Variants in PANK2 observed in about 807,000 individuals in gnomAD.
PANK2 encodes the protein pantothenate kinase 2, also known as pantothenate kinase 2, mitochondrial.
PANK2 carries 36 observed loss-of-function variants against 43.1 expected under a neutral mutation model. That is an observed-to-expected ratio of 0.84 (90% CI 0.64 to 1.10). PANK2 has a LOEUF of 1.10. Ranked by LOEUF, PANK2 falls within the 50% of genes least tolerant of loss-of-function variation. The pLI, the probability that PANK2 is intolerant of heterozygous loss-of-function variation, is 0.00. For synonymous variants in PANK2, 281 were observed against 238.2 expected, an observed-to-expected ratio of 1.18 and a Z score of -1.66; for missense variants, 576 against 593.3, an observed-to-expected ratio of 0.97 and a Z score of 0.30.
chr20:3,890,679 G>A (rs2090108825), intron 1 of PANK2, among the ~76,000 whole-genome samples: 1 of 152,198 alleles, frequency 6.6e-6, no homozygotes, highest in Admixed American at 6.5e-5. Context: ...GAGAGGGAGG[G>A]AAAATGGCAA....
In PANK2 at chr20:3,926,579, AGCT is replaced by A; in HGVS notation, c.*3286_*3288del. The A allele has an allele frequency of 6.6e-6, 1 of 152,520 alleles. No homozygotes were observed. The highest frequency in any genetic ancestry group is 1.9e-4 in the East Asian group (1 of 5,174). The allele number at this position is 152,520 out of a possible 1,614,324, so 9.4% of individuals were successfully genotyped here. A position where few individuals can be genotyped will look rare whatever the true frequency, so the allele number is the denominator to read the frequency against. ...CTAGTTATTTCCAGGCCTGGGATAT[AGCT>A]AGGGGCTTGGGGTGGGGGCAACTCT... On this transcript the variant is annotated 3_prime_UTR_variant, in exon 7 of 7. Transcript: ENST00000610179.
chr20:3,899,862 C>A (rs1198386821), intron 1 of PANK2, among the ~76,000 whole-genome samples: 1 of 151,706 alleles, frequency 6.6e-6, no homozygotes, highest in Non-Finnish European at 1.5e-5. Context: ...CACCTGCCAC[C>A]ATGCCCGGCT....
rs900029995 is a variant in PANK2 at position 3,927,858 on chromosome 20, C to G, written c.*4564C>G. ...ACAAGTCTGCTGACACTGGTGGGGC[C>G]CTTACAGTCACAGAAGTAAGGACTG... On this transcript the variant is annotated 3_prime_UTR_variant, in exon 7 of 7. Coordinates refer to ENST00000610179, the MANE Select transcript of PANK2 (RefSeq NM_001386393.1). The G allele has an allele frequency of 1.3e-5, 2 of 152,146 alleles. No homozygotes were observed. Among genetic ancestry groups the G allele is most frequent in the Non-Finnish European group, 1.5e-5 (1 of 68,062 alleles). 9.4% of individuals were successfully genotyped at this position (152,146 alleles called of 1,614,324 possible).
chr20:3,919,944 C>G (rs550676472), intron 6 of PANK2, among the ~76,000 whole-genome samples: 5 of 152,270 alleles, frequency 3.3e-5, no homozygotes, highest in African/African-American at 1.2e-4. Context: ...CCAAAGTACA[C>G]AAATCCCCAT....
intron 1 of PANK2, among the ~76,000 whole-genome samples, chr20:3,904,828 G>A (rs2090360192): frequency 6.6e-6 from 1 of 151,958 alleles, no homozygotes; most frequent in Non-Finnish European, 1.5e-5. Flanking sequence ...CATTTTTGTA[G>A]TGTTTATTTC....
chr20:3,905,348 CTCT>C lies in PANK2; in HGVS notation c.299-2576_299-2574del, dbSNP rs1401541792. The stretch of plus-strand genomic sequence containing the variant: ...GTAAACCTAGTTCTGCTGCTGCTAT[CTCT>C]TTTTTTTTTTTTTTTTTGAGACGGA... On this transcript the variant is annotated intron_variant, in intron 1 of 6. Coordinates refer to ENST00000610179, the MANE Select transcript of PANK2 (RefSeq NM_001386393.1). Among the ~76,000 whole-genome samples, 4 of 146,454 alleles carry C rather than the reference CTCT, an allele frequency of 2.7e-5. No individual in the cohort carries two copies. In the South Asian group the frequency reaches 6.4e-4, roughly 23 times the overall value.
chr20:3,908,383 T>C, intron 2 of PANK2, 105 bp downstream of exon 2: 1 of 1,135,268 alleles, frequency 8.8e-7, no homozygotes, highest in Non-Finnish European at 1.3e-6. Flanking sequence ...AACTTGAATT[T>C]TCTTGAGTCA....
At position 3,928,237 on chromosome 20, in the gene PANK2, T is replaced by A. The variant is rs1457629201; in HGVS notation, c.*4943T>A. 1 of 152,338 alleles carries A rather than the reference T, an allele frequency of 6.6e-6. No individual in the cohort carries two copies. Among genetic ancestry groups the A allele is most frequent in the South Asian group, 2.1e-4 (1 of 4,820 alleles). 9.4% of individuals were successfully genotyped at this position (152,338 alleles called of 1,614,324 possible). On this transcript the variant is annotated 3_prime_UTR_variant, in exon 7 of 7. Transcript: ENST00000610179. The stretch of plus-strand genomic sequence containing the variant: ...ACAAATGCCAGAAGAGTGGATGTGA[T>A]AGAGAATTTTTTCTCAAGTTTTGGG...
chr20:3,891,314 G>T (rs919433912), intron 1 of PANK2: 5 of 152,098 alleles, frequency 3.3e-5, no homozygotes, highest in Non-Finnish European at 5.9e-5. Context: ...TCCCACTTCG[G>T]CCTCCCAAAG....
chr20:3,913,870 G>A (rs2090512675), intron 4 of PANK2, among the ~76,000 whole-genome samples: 2 of 149,744 alleles, frequency 1.3e-5, no homozygotes, highest in Non-Finnish European at 1.5e-5. Context: ...CTCACTGCAA[G>A]CTCTAGCTCC....
chr20:3,899,500 TTG>T (rs2090265437), intron 1 of PANK2, among the ~76,000 whole-genome samples: 1 of 151,464 alleles, frequency 6.6e-6, no homozygotes, highest in Non-Finnish European at 1.5e-5. Flanking sequence ...AGAGTTCTAT[TTG>T]TGTTTACTAG....
intron 4 of PANK2, among the ~76,000 whole-genome samples, chr20:3,915,812 CTTAAG>C (rs1413328983): frequency 2.0e-5 from 3 of 152,260 alleles, no homozygotes; most frequent in South Asian, 2.1e-4. Context: ...CTCCTGGACT[CTTAAG>C]TTATGTTCCA....
intron 2 of PANK2, 55 bp downstream of exon 2, chr20:3,908,333 T>C (rs2090420529): frequency 2.1e-6 from 3 of 1,417,442 alleles, no homozygotes; most frequent in African/African-American, 2.8e-5. Context: ...TTAAAAATAA[T>C]GCCAGTAGCA....
rs2090342162 is a variant in PANK2 at position 3,903,672 on chromosome 20, G to A, written c.299-4254G>A. 1.3e-5 allele frequency among the ~76,000 whole-genome samples: 2 copies of A among 150,858 alleles called. 1 individual carries two copies. The highest frequency in any genetic ancestry group is 1.3e-4 in the Admixed American group (2 of 14,964). ...AGATGGAGTCTCACTCCGTTGCCCA[G>A]GCTGGAGTGCAGTGGTGTGATCTCG... is the stretch of plus-strand genomic sequence containing the variant. On this transcript the variant is annotated intron_variant, in intron 1 of 6. Transcript: ENST00000610179.
intron 2 of PANK2, among the ~76,000 whole-genome samples, chr20:3,909,525 C>A (rs1386363900): frequency 1.3e-5 from 2 of 152,304 alleles, no homozygotes; most frequent in African/African-American, 4.8e-5. Flanking sequence ...GCCACCGTTC[C>A]TGGCCTCAAC....
intron 4 of PANK2, among the ~76,000 whole-genome samples, chr20:3,913,993 G>C (rs570685733): frequency 2.0e-5 from 3 of 151,614 alleles, no homozygotes; most frequent in South Asian, 4.2e-4. Context: ...GTTTCACTAT[G>C]TTGGCCAGGA....
chr20:3,895,483 C>CAT (rs769837462), intron 1 of PANK2, among the ~76,000 whole-genome samples: 1 of 14,672 alleles, frequency 6.8e-5, no homozygotes, highest in Non-Finnish European at 2.0e-4. Flanking sequence ...ACCCTGTCTC[C>CAT]GTTTTTTTTT....
Position 3,925,520 on chromosome 20 carries a change from C to A in PANK2, c.*2226C>A, listed in dbSNP as rs2090707488. ...AAGTGCTGGGAATACAGGTGTGAGCCCCTGCGCCCGGCTCACAGCAGGGTT... is the reference window on the plus strand; with the variant it reads ...AAGTGCTGGGAATACAGGTGTGAGCACCTGCGCCCGGCTCACAGCAGGGTT... On this transcript the variant is annotated 3_prime_UTR_variant, in exon 7 of 7. Transcript: ENST00000610179. 1 of 152,214 alleles carries A rather than the reference C, an allele frequency of 6.6e-6. No individual in the cohort carries two copies. The highest frequency in any genetic ancestry group is 6.5e-5 in the Admixed American group (1 of 15,288). The allele number at this position is 152,214 out of a possible 1,614,324, so 9.4% of individuals were successfully genotyped here. A position where few individuals can be genotyped will look rare whatever the true frequency, so the allele number is the denominator to read the frequency against.
chr20:3,908,346 T>C (rs1223732344), intron 2 of PANK2, 68 bp downstream of exon 2: 3 of 1,354,060 alleles, frequency 2.2e-6, no homozygotes, highest in Non-Finnish European at 3.1e-6. Flanking sequence ...CAGTAGCAAG[T>C]GGTGAAATAA....
Sources: gnomAD v4.1 joint callset for allele counts (sites outside exome capture counted in the v4.1 genomes callset) on GRCh38, gnomAD v4.1.1 for gene constraint, MANE v1.5 for transcripts, NCBI Gene and HGNC (gene_info 2026-07-23, HGNC 2026-07-21) for gene names.